The following PAPPA variants were observed in gnomAD, a reference collection of about 807,000 sequenced individuals.
PAPPA encodes the protein pappalysin-1.
PAPPA carries 60 observed loss-of-function variants against 164.0 expected under a neutral mutation model. The observed-to-expected ratio is 0.37, with a 90% CI of 0.30 to 0.45. The LOEUF (loss-of-function observed/expected upper bound fraction) is 0.45. PAPPA is among the 20% of genes least tolerant of loss of function. The probability of loss-of-function intolerance (pLI) is 1.00; values close to 1 mark genes in which losing one functional copy is unlikely to be tolerated. For synonymous variants in PAPPA, 875 were observed against 814.1 expected, an observed-to-expected ratio of 1.07 and a Z score of -1.27; for missense variants, 1,782 against 2,087.3, an observed-to-expected ratio of 0.85 and a Z score of 2.85.
At chr9:116,307,650 T>G (rs1345056870) in intron 10 of PAPPA, among the ~76,000 whole-genome samples, 1 of 152,164 alleles carries the variant, frequency 6.6e-6, no homozygotes, top group Non-Finnish European at 1.5e-5. Flanking sequence ...CCTTGTAATA[T>G]AACAATTTAT....
intron 17 of PAPPA, among the ~76,000 whole-genome samples, chr9:116,357,398 G>C (rs1384068110): frequency 6.6e-6 from 1 of 152,166 alleles, no homozygotes; most frequent in East Asian, 1.9e-4. Context: ...CTTTGTCTTT[G>C]TTTTTGAGTG....
At chr9:116,180,356 T>C (rs992430991) in intron 1 of PAPPA, among the ~76,000 whole-genome samples, 1 of 152,184 alleles carries the variant, frequency 6.6e-6, no homozygotes, top group Non-Finnish European at 1.5e-5. Flanking sequence ...GTGAAAGAGA[T>C]GAGAGTTAGA....
At chr9:116,381,944 C>T (rs955499156) in intron 20 of PAPPA, among the ~76,000 whole-genome samples, 1 of 152,154 alleles carries the variant, frequency 6.6e-6, no homozygotes, top group African/African-American at 2.4e-5. Flanking sequence ...GCTTCTTGGG[C>T]AGTTTACATT....
In PAPPA at chr9:116,385,234, AAAATAAATAAAT is replaced by A. The variant is rs142801371; in HGVS notation, c.4776+2780_4776+2791del. Among the ~76,000 whole-genome samples, 111 of 139,538 alleles carry A rather than the reference AAAATAAATAAAT, an allele frequency of 8.0e-4. 1 individual carries two copies. Among genetic ancestry groups the A allele is most frequent in the Admixed American group, 1.0e-3 (14 of 13,616 alleles). 91.5% of individuals were successfully genotyped at this position (139,538 alleles called of 152,430 possible). The stretch of plus-strand genomic sequence containing the variant: ...GGGTGACAAAACGAGACTCCATCTC[AAAATAAATAAAT>A]AAATAAATAAATAAATAAATAAATA... On this transcript the variant is annotated intron_variant, in intron 21 of 21. Coordinates refer to ENST00000328252, the MANE Select transcript of PAPPA (RefSeq NM_002581.5).
At chr9:116,292,417 T>C (rs1326264004) in intron 9 of PAPPA, among the ~76,000 whole-genome samples, 1 of 152,124 alleles carries the variant, frequency 6.6e-6, no homozygotes, top group Non-Finnish European at 1.5e-5. Context: ...TAGAACAAAT[T>C]AGATCTATTT....
intron 19 of PAPPA, among the ~76,000 whole-genome samples, chr9:116,371,830 C>T (rs1432977152): frequency 1.3e-5 from 2 of 152,110 alleles, no homozygotes; most frequent in Non-Finnish European, 2.9e-5. Context: ...GTCCTCCCTC[C>T]CCAGGCCAGG....
At chr9:116,396,106 C>CTTGT (rs1846959142) in intron 21 of PAPPA, among the ~76,000 whole-genome samples, 1 of 152,128 alleles carries the variant, frequency 6.6e-6, no homozygotes, top group Admixed American at 6.5e-5. Flanking sequence ...AAGTAAGTAG[C>CTTGT]TTGTTTTACT....
chr9:116,378,873 AT>A (rs1011952121), intron 20 of PAPPA, among the ~76,000 whole-genome samples: 1 of 151,924 alleles, frequency 6.6e-6, no homozygotes, highest in Non-Finnish European at 1.5e-5. Flanking sequence ...TAGGTTACAC[AT>A]TTTTTTCTCT....
At chr9:116,382,624 TTTTTTAA>T (rs1296490929) in intron 21 of PAPPA, 131 bp downstream of exon 21, 1 of 602,756 alleles carries the variant, frequency 1.7e-6, no homozygotes, top group Non-Finnish European at 3.0e-6. Context: ...CTTTATTTCT[TTTTTTAA>T]TTTTTATTCT....
intron 9 of PAPPA, among the ~76,000 whole-genome samples, chr9:116,292,860 G>T (rs1359982340): frequency 2.0e-5 from 3 of 152,198 alleles, no homozygotes; most frequent in African/African-American, 7.2e-5. Flanking sequence ...AGCATTCCAT[G>T]TAGAGTTAGG....
At chr9:116,312,940 G>C (rs996738730) in intron 10 of PAPPA, among the ~76,000 whole-genome samples, 4 of 151,936 alleles carry the variant, frequency 2.6e-5, no homozygotes, top group Non-Finnish European at 4.4e-5. Context: ...AAAATTAGCT[G>C]GGCGTGGTGG....
chr9:116,313,211 C>T (rs1845745326), intron 10 of PAPPA, among the ~76,000 whole-genome samples: 1 of 152,050 alleles, frequency 6.6e-6, no homozygotes, highest in Non-Finnish European at 1.5e-5. Context: ...GAGAAATGGG[C>T]CCAGAGAGGC....
rs1465878663 is a variant in PAPPA, at chr9:116,396,904, C to T, written c.*288C>T. On this transcript the variant is annotated 3_prime_UTR_variant, in exon 22 of 22. Coordinates refer to ENST00000328252, the MANE Select transcript of PAPPA (RefSeq NM_002581.5). Reference sequence around the variant, plus strand: ...AAATTCTAGCCATTTGTCACACAACCACAGCAAGAAACGTGTTCTATATCT... The same window carrying T: ...AAATTCTAGCCATTTGTCACACAACTACAGCAAGAAACGTGTTCTATATCT... 1 of 443,414 alleles carries T rather than the reference C, an allele frequency of 2.3e-6. No homozygotes were observed. The highest frequency in any genetic ancestry group is 2.0e-5 in the African/African-American group (1 of 51,196). The allele number at this position is 443,414 out of a possible 1,614,324, so 27.5% of individuals were successfully genotyped here.
At chr9:116,233,741 T>G (rs1218497730) in intron 6 of PAPPA, among the ~76,000 whole-genome samples, 2 of 152,160 alleles carry the variant, frequency 1.3e-5, no homozygotes, top group African/African-American at 2.4e-5. Flanking sequence ...TCACTCCAAA[T>G]AACTTTCTAG....
intron 1 of PAPPA, among the ~76,000 whole-genome samples, chr9:116,172,827 A>G (rs1843789140): frequency 6.6e-6 from 1 of 152,188 alleles, no homozygotes. Context: ...TTTTGATTTA[A>G]AGTCCCTTAA....
At chr9:116,329,803 G>A (rs1845966911) in intron 10 of PAPPA, among the ~76,000 whole-genome samples, 1 of 152,122 alleles carries the variant, frequency 6.6e-6, no homozygotes, top group Admixed American at 6.5e-5. Flanking sequence ...TGAGCCAAGT[G>A]TTAAACTATT....
Position 116,154,142 on chromosome 9 carries a change from G to A in PAPPA, c.-31G>A, listed in dbSNP as rs781066836. ...TGGCAGCTCCGGGTGGCGGTGCAGGGGCGAAGGGGGGGCGGGGGGAACCGT... is the reference window on the plus strand; with the variant it reads ...TGGCAGCTCCGGGTGGCGGTGCAGGAGCGAAGGGGGGGCGGGGGGAACCGT... On this transcript the variant is annotated 5_prime_UTR_variant, in exon 1 of 22. Transcript: ENST00000328252. The surrounding 1 kb of genome is among the most constrained non-coding windows in gnomAD (Gnocchi z 5.2). 3.5e-6 allele frequency: 5 copies of A among 1,429,998 alleles called. No individual in the cohort carries two copies. The East Asian group carries it at 9.0e-5, about 26-fold the overall frequency. 88.6% of individuals were successfully genotyped at this position (1,429,998 alleles called of 1,614,324 possible). A position where few individuals can be genotyped will look rare whatever the true frequency, so the allele number is the denominator to read the frequency against.
chr9:116,234,866 T>C (rs563962685), intron 6 of PAPPA, among the ~76,000 whole-genome samples: 11 of 152,302 alleles, frequency 7.2e-5, no homozygotes, highest in Admixed American at 2.6e-4. Flanking sequence ...AAGTGGAAGA[T>C]GAGGAAGGAA....
intron 9 of PAPPA, among the ~76,000 whole-genome samples, chr9:116,285,174 T>TC (rs1285766847): frequency 1.8e-4 from 24 of 135,338 alleles, no homozygotes; most frequent in East Asian, 8.8e-4. Context: ...TTTCTTTCTT[T>TC]TTTTTTTTTT....
Sources: allele counts gnomAD v4.1 joint callset (sites outside exome capture counted in the v4.1 genomes callset), GRCh38; gene constraint gnomAD v4.1.1; non-coding constraint Gnocchi (gnomAD v3.1); transcripts MANE v1.5; gene names NCBI Gene and HGNC (gene_info 2026-07-23, HGNC 2026-07-21).